The following CCDC88A variants were observed in gnomAD, a reference collection of about 807,000 sequenced individuals.
CCDC88A encodes the protein coiled-coil and HOOK domain protein 88A, also known as girdin.
Under a neutral mutation model 234.3 loss-of-function variants are expected in CCDC88A, and 54 were observed. The observed-to-expected ratio is 0.23, with a 90% CI of 0.19 to 0.29. CCDC88A has a LOEUF of 0.29. Ranked by LOEUF, CCDC88A falls within the 10% of genes least tolerant of loss-of-function variation. The pLI, the probability that CCDC88A is intolerant of heterozygous loss-of-function variation, is 1.00. For missense variants in CCDC88A, 1,832 were observed against 2,123.4 expected (o/e 0.86, Z 2.70); for synonymous variants, 753 against 737.8 (o/e 1.02, Z -0.33).
intron 13 of CCDC88A, among the ~76,000 whole-genome samples, chr2:55,337,860 A>AATG (rs1340857067): frequency 6.6e-6 from 1 of 152,064 alleles, no homozygotes; most frequent in African/African-American, 2.4e-5. Context: ...TACCAATAAT[A>AATG]ATGATGATAA....
intron 3 of CCDC88A, among the ~76,000 whole-genome samples, chr2:55,386,332 A>C (rs977978880): frequency 1.3e-4 from 19 of 147,712 alleles, no homozygotes; most frequent in Non-Finnish European, 2.4e-4. Context: ...TAGTGCAATC[A>C]CTCACGCCCA....
At chr2:55,376,156 A>C (rs1410520473) in intron 3 of CCDC88A, among the ~76,000 whole-genome samples, 1 of 152,184 alleles carries the variant, frequency 6.6e-6, no homozygotes, top group African/African-American at 2.4e-5. Context: ...AATACATTGT[A>C]TCTGCCATTA....
intron 3 of CCDC88A, among the ~76,000 whole-genome samples, chr2:55,382,989 C>T (rs749689325): frequency 6.6e-5 from 10 of 151,362 alleles, no homozygotes; most frequent in South Asian, 4.2e-4. Context: ...GGTAGAATAT[C>T]TGGCATTCAA....
At chr2:55,359,215 G>A (rs1670973211) in intron 7 of CCDC88A, among the ~76,000 whole-genome samples, 1 of 151,980 alleles carries the variant, frequency 6.6e-6, no homozygotes, top group Admixed American at 6.6e-5. Flanking sequence ...AAAAATGGGT[G>A]CTCAAAAATA....
chr2:55,411,496 A>G (rs1000101028), intron 2 of CCDC88A, among the ~76,000 whole-genome samples: 5 of 152,116 alleles, frequency 3.3e-5, no homozygotes, highest in African/African-American at 1.2e-4. Context: ...AACATGGCCC[A>G]GGCACGGTGG....
intron 5 of CCDC88A, 101 bp from the exon 6 acceptor site, chr2:55,364,134 A>G: frequency 1.9e-6 from 1 of 523,540 alleles, no homozygotes; most frequent in Non-Finnish European, 3.3e-6. Context: ...TATTTTGAAA[A>G]GTATAGTAAG....
At chr2:55,417,089 C>G (rs1164930388) in intron 2 of CCDC88A, 2 of 151,766 alleles carry the variant, frequency 1.3e-5, no homozygotes. Flanking sequence ...GGAATACCGT[C>G]ATTTTCAAAA....
chr2:55,324,243 CAG>C (rs1243596535), intron 17 of CCDC88A: 6 of 152,098 alleles, frequency 3.9e-5, no homozygotes, highest in Non-Finnish European at 5.9e-5. Flanking sequence ...TCTTTAAAAA[CAG>C]AGTTATAATT....
At position 55,309,323 on chromosome 2, in the gene CCDC88A, G is replaced by A; in HGVS notation, c.4080-69C>T. On this transcript the variant is annotated intron_variant, in intron 23 of 32. Transcript: ENST00000436346. The surrounding 1 kb of genome is among the most constrained non-coding windows in gnomAD (Gnocchi z 5.1). ...TACAGCTATGAATATTAAATTATTT[G>A]GTGACTGTGATCTAATGTCTCCCCA... is the stretch of plus-strand genomic sequence containing the variant. 2.8e-6 allele frequency: 2 copies of A among 726,130 alleles called. No individual in the cohort carries two copies. Among genetic ancestry groups the A allele is most frequent in the South Asian group, 1.9e-5 (1 of 53,926 alleles). 45.0% of individuals were successfully genotyped at this position (726,130 alleles called of 1,614,324 possible). A position where few individuals can be genotyped will look rare whatever the true frequency, so the allele number is the denominator to read the frequency against.
Position 55,419,445 on chromosome 2 carries a change from T to C in CCDC88A, c.-366A>G, listed in dbSNP as rs1466543039. 1 of 234,664 alleles carries C rather than the reference T, an allele frequency of 4.3e-6. No homozygotes were observed. Among genetic ancestry groups the C allele is most frequent in the Non-Finnish European group, 8.5e-6 (1 of 118,270 alleles). The allele number at this position is 234,664 out of a possible 1,614,324, so 14.5% of individuals were successfully genotyped here. A position where few individuals can be genotyped will look rare whatever the true frequency, so the allele number is the denominator to read the frequency against. ...CCTGGAGGATCCAGACCAGCGAAAC[T>C]GCTCCCAATGAATCAATCCCAACGG... On this transcript the variant is annotated 5_prime_UTR_variant, in exon 1 of 33. Transcript: ENST00000436346.
Position 55,355,629 on chromosome 2 carries a change from C to G in CCDC88A, c.750G>C (p.Ser250=), listed in dbSNP as rs759533468. Reference sequence around the variant, plus strand: ...TGGCTTTAGCATCTGCCAGTTCCACCGACAGATGTTGTCGACTTTCTGTTC... The same window carrying G: ...TGGCTTTAGCATCTGCCAGTTCCACGGACAGATGTTGTCGACTTTCTGTTC... ...MKRTESRQHL[S]VELADAKAKI... The change falls in exon 8 of 33, where the codon TCG becomes TCC. Residue 250 remains serine (S), a synonymous_variant. Transcript: ENST00000436346. 3 of 1,614,036 alleles carry G rather than the reference C, an allele frequency of 1.9e-6. No individual in the cohort carries two copies. The highest frequency in any genetic ancestry group is 2.5e-6 in the Non-Finnish European group (3 of 1,179,952).
chr2:55,389,940 C>T (rs1372721408), intron 2 of CCDC88A, among the ~76,000 whole-genome samples: 2 of 148,084 alleles, frequency 1.4e-5, no homozygotes, highest in Non-Finnish European at 3.0e-5. Flanking sequence ...ACTTGGGAGG[C>T]TGAGGCAGGA....
chr2:55,358,981 T>C lies in CCDC88A; in HGVS notation c.628-3230A>G, dbSNP rs375314781. 2.3e-4 allele frequency among the ~76,000 whole-genome samples: 35 copies of C among 152,296 alleles called. No individual in the cohort carries two copies. In the East Asian group the frequency reaches 3.9e-3, roughly 17 times the overall value. Reference sequence around the variant, plus strand: ...TTTGTGTATTTTCTTACTGTCTCAATTATCTTTAATCTTGCTTTCTAACAT... The same window carrying C: ...TTTGTGTATTTTCTTACTGTCTCAACTATCTTTAATCTTGCTTTCTAACAT... On this transcript the variant is annotated intron_variant, in intron 7 of 32. Coordinates refer to ENST00000436346, the MANE Select transcript of CCDC88A (RefSeq NM_001365480.1).
In CCDC88A at chr2:55,419,423, G is replaced by C. The variant is rs1249100979; in HGVS notation, c.-344C>G. 3.5e-6 allele frequency: 1 copy of C among 287,594 alleles called. No individual in the cohort carries two copies. Among genetic ancestry groups the C allele is most frequent in the Non-Finnish European group, 6.7e-6 (1 of 150,118 alleles). 17.8% of individuals were successfully genotyped at this position (287,594 alleles called of 1,614,324 possible). A position where few individuals can be genotyped will look rare whatever the true frequency, so the allele number is the denominator to read the frequency against. On this transcript the variant is annotated 5_prime_UTR_variant, in exon 1 of 33. Transcript: ENST00000436346. ...AGCCCGTCAAGGTTGTCCAGCTCCT[G>C]GAGGATCCAGACCAGCGAAACTGCT...
rs986432157 is a variant in CCDC88A, at chr2:55,317,169, T to C, written c.3746+37A>G. On this transcript the variant is annotated intron_variant, in intron 21 of 32. Transcript: ENST00000436346. This position sits in a 1 kb window ranked among gnomAD's most constrained non-coding sequence, Gnocchi z 4.2. ...CACATATATATGTATATACTTTCTATATAAAATGTTTGTTATATATAATAT... is the reference window on the plus strand; with the variant it reads ...CACATATATATGTATATACTTTCTACATAAAATGTTTGTTATATATAATAT... The C allele has an allele frequency of 5.4e-6, 5 of 921,886 alleles. No homozygotes were observed. The African/African-American group carries it at 6.9e-5, about 13-fold the overall frequency. The allele number at this position is 921,886 out of a possible 1,614,324, so 57.1% of individuals were successfully genotyped here. A position where few individuals can be genotyped will look rare whatever the true frequency, so the allele number is the denominator to read the frequency against.
At chr2:55,343,080 GAA>G (rs1291223304) in intron 12 of CCDC88A, among the ~76,000 whole-genome samples, 1 of 152,090 alleles carries the variant, frequency 6.6e-6, no homozygotes, top group Non-Finnish European at 1.5e-5. Flanking sequence ...TGAAGCCCAG[GAA>G]AAGAGAGCCA....
rs1685329682 is a variant in CCDC88A at position 55,335,193 on chromosome 2, T to C, written c.1657-29A>G. On this transcript the variant is annotated intron_variant, in intron 14 of 32. Coordinates refer to ENST00000436346, the MANE Select transcript of CCDC88A (RefSeq NM_001365480.1). This position sits in a 1 kb window ranked among gnomAD's most constrained non-coding sequence, Gnocchi z 4.5. ...ATTTGAAAAGAAAATAATTAAAAGC[T>C]GTAATTGAGGAAAAACTAACTATGG... is the stretch of plus-strand genomic sequence containing the variant. 7.3e-7 allele frequency: 1 copy of C among 1,376,634 alleles called. No individual in the cohort carries two copies. The highest frequency in any genetic ancestry group is 1.5e-5 in the African/African-American group (1 of 68,562). 85.3% of individuals were successfully genotyped at this position (1,376,634 alleles called of 1,614,324 possible).
rs773213832 is a variant in CCDC88A, at chr2:55,308,812, T to A, written c.4384A>T (p.Ser1462Cys). 6.2e-7 allele frequency: 1 copy of A among 1,612,604 alleles called. No individual in the cohort carries two copies. The highest frequency in any genetic ancestry group is 2.2e-5 in the East Asian group (1 of 44,864). ...TTTAAAGAGTTTAAGCACTCACTGC[T>A]GCTTTTCTTGGTCCCCAAGGTCTGG... ...DGQTLGTKKS[S>C]MVALKRLPFL... Residue 1462 changes from serine to cysteine, a missense_variant, in exon 25 of 33, where the codon AGC (serine) becomes TGC (cysteine). By Grantham distance (112) the Ser-to-Cys change is moderately radical. This residue lies in a region of CCDC88A where 1,282 missense variants were observed against 1,543.6 expected (regional missense o/e 0.83). Transcript: ENST00000436346.
chr2:55,402,477 A>C (rs918730758), intron 2 of CCDC88A, among the ~76,000 whole-genome samples: 1 of 152,276 alleles, frequency 6.6e-6, no homozygotes. Context: ...GATATTACCA[A>C]AATTCAGTAA....
Sources: gnomAD v4.1 joint callset for allele counts (sites outside exome capture counted in the v4.1 genomes callset) on GRCh38, gnomAD v4.1.1 for gene constraint, gnomAD v4.1.1 regional missense constraint, Gnocchi (gnomAD v3.1) non-coding constraint, MANE v1.5 for transcripts, NCBI Gene and HGNC (gene_info 2026-07-23, HGNC 2026-07-21) for gene names.